CSMD2: variants seen among roughly 807,000 people sequenced by gnomAD.
CSMD2 encodes CUB and Sushi multiple domains 2, also known as CUB and sushi domain-containing protein 2.
A neutral mutation model predicts 398.5 loss-of-function variants in CSMD2; 130 were observed. The ratio of observed to expected loss-of-function variants is 0.33; its 90% CI spans 0.28 to 0.38. CSMD2 has a LOEUF of 0.38. Among genes scored for constraint, CSMD2 ranks in the 10% least tolerant of loss-of-function variants. The pLI is 1.00. For synonymous variants in CSMD2, 1,828 were observed against 1,908.5 expected, an observed-to-expected ratio of 0.96 and a Z score of 1.10; for missense variants, 3,829 against 4,764.9, an observed-to-expected ratio of 0.80 and a Z score of 5.78.
chr1:33,879,451 C>T (rs1641079157), intron 5 of CSMD2, among the ~76,000 whole-genome samples: 1 of 152,176 alleles, frequency 6.6e-6, no homozygotes, highest in Non-Finnish European at 1.5e-5. Context: ...GCCTACTCTC[C>T]CAAGGGTTGG....
chr1:33,692,442 T>C (rs1293693676), intron 25 of CSMD2, among the ~76,000 whole-genome samples: 1 of 152,250 alleles, frequency 6.6e-6, no homozygotes, highest in African/African-American at 2.4e-5. Context: ...AAAGCTGAGT[T>C]AGTGCTTGCT....
intron 3 of CSMD2, among the ~76,000 whole-genome samples, chr1:34,018,554 A>G (rs970360094): frequency 6.6e-6 from 1 of 152,222 alleles, no homozygotes; most frequent in African/African-American, 2.4e-5. Flanking sequence ...CCAGCACTGC[A>G]TCATACCCAC....
intron 1 of CSMD2, among the ~76,000 whole-genome samples, chr1:34,131,046 C>T (rs1427769545): frequency 6.6e-6 from 1 of 152,164 alleles, no homozygotes; most frequent in Non-Finnish European, 1.5e-5. Context: ...TCCTTTCTGC[C>T]TAGCATTCCG....
chr1:33,811,492 C>T (rs1340687974), intron 9 of CSMD2, among the ~76,000 whole-genome samples: 1 of 152,172 alleles, frequency 6.6e-6, no homozygotes, highest in Non-Finnish European at 1.5e-5. Context: ...GCCAAGGCCC[C>T]TGACTCAGCT....
Position 33,550,228 on chromosome 1 carries a change from G to A in CSMD2, c.8866C>T (p.Arg2956Cys), listed in dbSNP as rs1398421781. Reference sequence around the variant, plus strand: ...CAGTGTCCATCCAGCCCACACATGCGGGTGCTGTTTCCCACCAGAGTACGC... The same window carrying A: ...CAGTGTCCATCCAGCCCACACATGCAGGTGCTGTTTCCCACCAGAGTACGC... ...GKRTLVGNST[R>C]MCGLDGHWTG... The change falls in exon 56 of 71, where the codon CGC (arginine) becomes TGC (cysteine). Residue 2956 changes from arginine (R) to cysteine (C), a missense_variant. Arg to Cys is a radical substitution (Grantham distance 180). This residue lies in a region of CSMD2 where 917 missense variants were observed against 1,199.5 expected (regional missense o/e 0.76). Coordinates refer to ENST00000373381, the MANE Select transcript of CSMD2 (RefSeq NM_001281956.2). 1 of 1,614,162 alleles carries A rather than the reference G, an allele frequency of 6.2e-7. No individual in the cohort carries two copies. Among genetic ancestry groups the A allele is most frequent in the East Asian group, 2.2e-5 (1 of 44,876 alleles).
intron 5 of CSMD2, among the ~76,000 whole-genome samples, chr1:33,861,961 T>A (rs181604477): frequency 2.0e-4 from 31 of 151,864 alleles, no homozygotes; most frequent in African/African-American, 6.3e-4. Flanking sequence ...AGGGCCCCAT[T>A]GACCAAAGTG....
rs935739584 is a variant in CSMD2 at position 34,164,866 on chromosome 1, T to A, written c.187+45A>T. 9.0e-7 allele frequency: 1 copy of A among 1,109,634 alleles called. No individual in the cohort carries two copies. Among genetic ancestry groups the A allele is most frequent in the African/African-American group, 1.9e-5 (1 of 53,448 alleles). The allele number at this position is 1,109,634 out of a possible 1,614,324, so 68.7% of individuals were successfully genotyped here. A position where few individuals can be genotyped will look rare whatever the true frequency, so the allele number is the denominator to read the frequency against. On this transcript the variant is annotated intron_variant, in intron 1 of 70. Transcript: ENST00000373381. This position sits in a 1 kb window ranked among gnomAD's most constrained non-coding sequence, Gnocchi z 6.2. Reference sequence around the variant, plus strand: ...AGGATGGGTGGGCTCGGGGCTCGGGTGGGGCGCGCGGCGGCCGCTGGCTCC... The same window carrying A: ...AGGATGGGTGGGCTCGGGGCTCGGGAGGGGCGCGCGGCGGCCGCTGGCTCC...
chr1:33,981,443 C>A (rs565500018), intron 3 of CSMD2, among the ~76,000 whole-genome samples: 1 of 152,210 alleles, frequency 6.6e-6, no homozygotes, highest in Non-Finnish European at 1.5e-5. Context: ...TTGGTTCTAA[C>A]AACAAGACTC....
chr1:33,972,802 A>G (rs1645820561), intron 3 of CSMD2, among the ~76,000 whole-genome samples: 1 of 152,184 alleles, frequency 6.6e-6, no homozygotes, highest in African/African-American at 2.4e-5. Context: ...TCATGCTTGT[A>G]GAGATTTGTT....
intron 53 of CSMD2, among the ~76,000 whole-genome samples, chr1:33,565,113 C>G (rs1486433878): frequency 6.6e-6 from 1 of 152,132 alleles, no homozygotes; most frequent in African/African-American, 2.4e-5. Context: ...CTGTTGCAAG[C>G]TTTTGTGGAG....
At chr1:33,960,771 G>C (rs1645331251) in intron 3 of CSMD2, among the ~76,000 whole-genome samples, 1 of 152,226 alleles carries the variant, frequency 6.6e-6, no homozygotes, top group African/African-American at 2.4e-5. Context: ...TTGCATTTCA[G>C]TCTCAGTACT....
In CSMD2 at chr1:33,625,225, T is replaced by G; in HGVS notation, c.5326A>C (p.Ser1776Arg). ...AVPRTSATQC[S>R]SVPEPRYGKR... ...CCATAGCGGGGTTCCGGCACAGAGC[T>G]GCACTGCGTGGCGCTGGTTCGAGGA... The change falls in exon 34 of 71, where the codon AGC (serine) becomes CGC (arginine). Residue 1776 changes from serine (S) to arginine (R), a missense_variant. Ser to Arg is a moderately radical substitution (Grantham distance 110, BLOSUM62 -1). Around this residue, in one of 5 missense-constraint regions of CSMD2, gnomAD observed 2,001 missense variants for 2,567.1 expected, o/e 0.78. Transcript: ENST00000373381. The G allele has an allele frequency of 2.5e-6, 4 of 1,611,282 alleles. No homozygotes were observed. The highest frequency in any genetic ancestry group is 3.4e-6 in the Non-Finnish European group (4 of 1,179,618).
rs972756766 is a variant in CSMD2, at chr1:33,714,575, G to A, written c.3406+12C>T. ...CATTAGTGAAGCAAAATGAAAGCAC[G>A]TGACCACCTACCAACACACCTTGGC... On this transcript the variant is annotated intron_variant, in intron 21 of 70. Coordinates refer to ENST00000373381, the MANE Select transcript of CSMD2 (RefSeq NM_001281956.2). The A allele has an allele frequency of 1.9e-6, 3 of 1,612,410 alleles. No homozygotes were observed. Among genetic ancestry groups the A allele is most frequent in the Non-Finnish European group, 1.7e-6 (2 of 1,179,046 alleles).
At chr1:33,817,964 A>G (rs1007936039) in intron 9 of CSMD2, among the ~76,000 whole-genome samples, 2 of 152,232 alleles carry the variant, frequency 1.3e-5, no homozygotes, top group African/African-American at 2.4e-5. Context: ...AAATCACTGG[A>G]GAAAAGGATG....
At chr1:33,532,653 G>C (rs1189929238) in intron 64 of CSMD2, among the ~76,000 whole-genome samples, 6 of 152,302 alleles carry the variant, frequency 3.9e-5, no homozygotes, top group Non-Finnish European at 7.3e-5. Context: ...TCAATAAATA[G>C]AGAACGAGTG....
chr1:33,588,100 G>A (rs1211633625), intron 44 of CSMD2, among the ~76,000 whole-genome samples: 2 of 152,154 alleles, frequency 1.3e-5, no homozygotes, highest in African/African-American at 4.8e-5. Context: ...GTACGTTCCT[G>A]GAGTGTTTAT....
intron 25 of CSMD2, among the ~76,000 whole-genome samples, chr1:33,665,458 CTCTTTT>C (rs1644277029): frequency 8.2e-6 from 1 of 122,162 alleles, no homozygotes; most frequent in Non-Finnish European, 1.7e-5. Flanking sequence ...TCTTTCTTCT[CTCTTTT>C]TTTTTTTTTT....
chr1:33,595,176 C>T (rs1639756450), intron 44 of CSMD2, among the ~76,000 whole-genome samples: 1 of 152,198 alleles, frequency 6.6e-6, no homozygotes, highest in Non-Finnish European at 1.5e-5. Flanking sequence ...TGTCATGTCT[C>T]TTTGGTCTCC....
chr1:33,593,792 G>A (rs914901184), intron 44 of CSMD2, among the ~76,000 whole-genome samples: 4 of 152,154 alleles, frequency 2.6e-5, no homozygotes, highest in African/African-American at 7.2e-5. Context: ...TGTGCTTGCT[G>A]TATCTTTGTC....
Sources: gnomAD v4.1 joint callset for allele counts (sites outside exome capture counted in the v4.1 genomes callset) on GRCh38, gnomAD v4.1.1 for gene constraint, gnomAD v4.1.1 regional missense constraint, Gnocchi (gnomAD v3.1) non-coding constraint, MANE v1.5 for transcripts, NCBI Gene and HGNC (gene_info 2026-07-23, HGNC 2026-07-21) for gene names.